The following REDIC1 variants were observed in gnomAD, a reference collection of about 807,000 sequenced individuals.
REDIC1 encodes regulator of DNA class I crossover intermediates 1.
At chr12:39,711,776 T>TGCATGTGTATGTGTGTGTACACAC in the REDIC1 span, among the ~76,000 whole-genome samples, 2 of 133,740 alleles carry the variant, frequency 1.5e-5, no homozygotes, top group South Asian at 2.4e-4. Context: ...TGTGTGCACA[T>TGCATGTGTATGTGTGTGTACACAC]GCATGTGTAT....
At chr12:39,821,801 A>T in the REDIC1 span, among the ~76,000 whole-genome samples, 1 of 152,204 alleles carries the variant, frequency 6.6e-6, no homozygotes, top group African/African-American at 2.4e-5. Flanking sequence ...TGAATGGGCC[A>T]GGGAAATACA....
the REDIC1 span, among the ~76,000 whole-genome samples, chr12:39,676,703 G>A: frequency 6.6e-6 from 1 of 152,026 alleles, no homozygotes; most frequent in Non-Finnish European, 1.5e-5. Context: ...GAACTGTGAG[G>A]CAAAAGCATC....
chr12:39,648,025 A>C, the REDIC1 span: 2 of 1,235,470 alleles, frequency 1.6e-6, no homozygotes, highest in Admixed American at 5.8e-5. Flanking sequence ...TTATATTTTC[A>C]TGAAACTCTT....
the REDIC1 span, among the ~76,000 whole-genome samples, chr12:39,838,215 A>G: frequency 6.6e-6 from 1 of 151,416 alleles, no homozygotes; most frequent in African/African-American, 2.4e-5. Context: ...ATTGGAAATC[A>G]TCATTCTCAG....
the REDIC1 span, chr12:39,757,889 G>A: frequency 1.3e-5 from 2 of 152,048 alleles, no homozygotes; most frequent in South Asian, 4.2e-4. Context: ...GAAGGATTGA[G>A]GCAATTATTT....
chr12:39,871,104 T>C, the REDIC1 span, among the ~76,000 whole-genome samples: 1,612 of 152,256 alleles, frequency 0.011, 24 homozygotes, highest in African/African-American at 0.035. Context: ...AATTATACCA[T>C]GCAGCCATGT....
the REDIC1 span, among the ~76,000 whole-genome samples, chr12:39,799,621 G>A: frequency 1.3e-5 from 2 of 151,996 alleles, no homozygotes; most frequent in African/African-American, 4.8e-5. Context: ...CTAAAAACCT[G>A]GTCAAAAAGA....
At chr12:39,824,393 G>A in the REDIC1 span, among the ~76,000 whole-genome samples, 2 of 152,194 alleles carry the variant, frequency 1.3e-5, no homozygotes, top group African/African-American at 4.8e-5. Context: ...GCATGAGCCA[G>A]ATTCAATCAG....
chr12:39,705,191 G>A, the REDIC1 span, among the ~76,000 whole-genome samples: 1 of 152,142 alleles, frequency 6.6e-6, no homozygotes, highest in Non-Finnish European at 1.5e-5. Context: ...ATGACTACAT[G>A]CCAATAAGTT....
the REDIC1 span, among the ~76,000 whole-genome samples, chr12:39,803,902 G>T: frequency 6.6e-6 from 1 of 151,888 alleles, no homozygotes; most frequent in African/African-American, 2.4e-5. Flanking sequence ...CCCTTCCCAA[G>T]ATAAATAAAA....
the REDIC1 span, among the ~76,000 whole-genome samples, chr12:39,803,835 A>G: frequency 6.6e-6 from 1 of 152,232 alleles, no homozygotes; most frequent in Admixed American, 6.5e-5. Context: ...ATAATGGCTG[A>G]GAATTTTTCA....
chr12:39,686,094 C>G, the REDIC1 span, among the ~76,000 whole-genome samples: 2 of 152,174 alleles, frequency 1.3e-5, no homozygotes, highest in Admixed American at 1.3e-4. Flanking sequence ...GTGCCTGTGG[C>G]TTTTCCAGGA....
the REDIC1 span, among the ~76,000 whole-genome samples, chr12:39,778,230 A>G: frequency 6.6e-6 from 1 of 152,222 alleles, no homozygotes; most frequent in Non-Finnish European, 1.5e-5. Context: ...TATAGAGGGC[A>G]CAAATCAAGT....
chr12:39,896,184 A>G, the REDIC1 span, among the ~76,000 whole-genome samples: 1 of 148,752 alleles, frequency 6.7e-6, no homozygotes, highest in Non-Finnish European at 1.5e-5. Flanking sequence ...ATATGTATAT[A>G]TGTATATATG....
the REDIC1 span, among the ~76,000 whole-genome samples, chr12:39,692,709 G>T: frequency 6.6e-6 from 1 of 151,734 alleles, no homozygotes; most frequent in Non-Finnish European, 1.5e-5. Flanking sequence ...TGCTTACGTT[G>T]TTTTGAATAT....
chr12:39,707,612 G>A, the REDIC1 span, among the ~76,000 whole-genome samples: 1 of 151,818 alleles, frequency 6.6e-6, no homozygotes, highest in African/African-American at 2.4e-5. Context: ...CAACCTAAGT[G>A]TCCATCAACA....
At chr12:39,759,810 T>C in the REDIC1 span, 2 of 522,114 alleles carry the variant, frequency 3.8e-6, no homozygotes, top group Non-Finnish European at 6.8e-6. Context: ...ATTATTAGAT[T>C]AAAATCTCTG....
the REDIC1 span, among the ~76,000 whole-genome samples, chr12:39,713,110 TA>T: frequency 2.0e-5 from 3 of 149,232 alleles, 1 homozygote; most frequent in African/African-American, 7.4e-5. Flanking sequence ...CATATACGTA[TA>T]TATGTAGATA....
the REDIC1 span, among the ~76,000 whole-genome samples, chr12:39,807,060 A>G: frequency 1.3e-5 from 2 of 152,116 alleles, no homozygotes; most frequent in Non-Finnish European, 2.9e-5. Context: ...TGCAAAAGTA[A>G]TTATAGTTTT....
Sources: gnomAD v4.1 joint callset for allele counts (sites outside exome capture counted in the v4.1 genomes callset) on GRCh38, gnomAD v4.1.1 for gene constraint, MANE v1.5 for transcripts, NCBI Gene and HGNC (gene_info 2026-07-23, HGNC 2026-07-21) for gene names.